The following PTGER4 variants were observed in gnomAD, a reference collection of about 807,000 sequenced individuals.
PTGER4 encodes the protein prostaglandin E2 receptor EP4 subtype.
In PTGER4, 11 loss-of-function variants were observed where a neutral mutation model predicts 33.2. The ratio of observed to expected loss-of-function variants is 0.33; its 90% CI spans 0.21 to 0.55. The LOEUF is 0.55. PTGER4 is among the 20% of genes least tolerant of loss of function. The pLI is 0.92. For synonymous variants in PTGER4, 275 were observed against 281.5 expected, an observed-to-expected ratio of 0.98 and a Z score of 0.23; for missense variants, 481 against 650.2, an observed-to-expected ratio of 0.74 and a Z score of 2.83.
At chr5:40,726,063 A>G in the PTGER4 span, among the ~76,000 whole-genome samples, 2 of 151,182 alleles carry the variant, frequency 1.3e-5, no homozygotes, top group South Asian at 2.1e-4. Context: ...GGGATTACAG[A>G]CTTGAGCCAC....
At chr5:40,700,197 C>A in the PTGER4 span, among the ~76,000 whole-genome samples, 1 of 152,142 alleles carries the variant, frequency 6.6e-6, no homozygotes, top group Non-Finnish European at 1.5e-5. Flanking sequence ...ATAATTGCAT[C>A]AAAAATGTGA....
chr5:40,716,059 T>C, the PTGER4 span: 1 of 1,145,776 alleles, frequency 8.7e-7, no homozygotes, highest in Admixed American at 3.0e-5. Context: ...GGCGTTCTCC[T>C]ATCTATCTCC....
chr5:40,720,693 G>C, the PTGER4 span, among the ~76,000 whole-genome samples: 1 of 152,050 alleles, frequency 6.6e-6, no homozygotes, highest in African/African-American at 2.4e-5. Context: ...TCCTTTGTGA[G>C]AAATCCAGAA....
At chr5:40,717,364 G>A in the PTGER4 span, among the ~76,000 whole-genome samples, 1 of 152,102 alleles carries the variant, frequency 6.6e-6, no homozygotes, top group Non-Finnish European at 1.5e-5. Context: ...GGTATCAGCT[G>A]GGAATTGGCA....
At chr5:40,697,290 GAA>G (rs915446310), downstream of PTGER4, among the ~76,000 whole-genome samples, 1 of 137,268 alleles carries the variant, frequency 7.3e-6, no homozygotes, top group African/African-American at 2.6e-5. Context: ...AAGAAAGAAA[GAA>G]AGAAAAAGAA....
At chr5:40,710,590 G>A in the PTGER4 span, among the ~76,000 whole-genome samples, 1 of 152,110 alleles carries the variant, frequency 6.6e-6, no homozygotes, top group South Asian at 2.1e-4. Context: ...TATAACCAAA[G>A]GAATATAAAT....
chr5:40,681,007 G>A lies in PTGER4; in HGVS notation c.14G>A (p.Gly5Glu). The A allele has an allele frequency of 1.9e-6, 3 of 1,612,440 alleles. No individual in the cohort carries two copies. The highest frequency in any genetic ancestry group is 2.5e-6 in the Non-Finnish European group (3 of 1,179,184). Residue 5 changes from glycine to glutamate, a missense_variant, in exon 2 of 3, where the codon GGG becomes GAG. This residue lies in a region of PTGER4 where 26 missense variants were observed against 21.0 expected (regional missense o/e 1.24). Coordinates refer to ENST00000302472, the MANE Select transcript of PTGER4 (RefSeq NM_000958.3). The surrounding 1 kb of genome is among the most constrained non-coding windows in gnomAD (Gnocchi z 9.8). The part of the protein sequence containing the change: MSTP[G>E]VNSSASLSPD... ...CCAGCCACTATCATGTCCACTCCCGGGGTCAATTCGTCCGCCTCCTTGAGC... is the reference window on the plus strand; with the variant it reads ...CCAGCCACTATCATGTCCACTCCCGAGGTCAATTCGTCCGCCTCCTTGAGC...
the PTGER4 span, among the ~76,000 whole-genome samples, chr5:40,703,622 G>A: frequency 7.2e-5 from 11 of 152,000 alleles, no homozygotes; most frequent in African/African-American, 2.7e-4. Flanking sequence ...GGAGGAAGAG[G>A]CCGGGCACGG....
chr5:40,704,319 T>C, the PTGER4 span, among the ~76,000 whole-genome samples: 369 of 152,266 alleles, frequency 2.4e-3, no homozygotes, highest in African/African-American at 8.5e-3. Flanking sequence ...AAACTAGGTA[T>C]TGAAGGAACA....
downstream of PTGER4, among the ~76,000 whole-genome samples, chr5:40,695,690 G>A (rs770529288): frequency 4.3e-4 from 66 of 152,284 alleles, no homozygotes; most frequent in Non-Finnish European, 8.1e-4. Context: ...CAGCCTGGGC[G>A]ACAGAGGGAG....
At chr5:40,745,269 A>G in the PTGER4 span, among the ~76,000 whole-genome samples, 2 of 151,882 alleles carry the variant, frequency 1.3e-5, no homozygotes, top group African/African-American at 4.8e-5. Flanking sequence ...TAGATATAAA[A>G]TTGTTAATTT....
the PTGER4 span, chr5:40,730,416 T>C: frequency 9.7e-6 from 12 of 1,234,200 alleles, no homozygotes; most frequent in African/African-American, 1.5e-5. Context: ...AAAATTTTTA[T>C]TGTAGTAAAA....
At chr5:40,740,040 G>A in the PTGER4 span, among the ~76,000 whole-genome samples, 2 of 151,878 alleles carry the variant, frequency 1.3e-5, no homozygotes, top group Non-Finnish European at 2.9e-5. Flanking sequence ...TAGGGTCTAG[G>A]TTTGAATACA....
At chr5:40,743,229 A>G in the PTGER4 span, among the ~76,000 whole-genome samples, 1 of 152,332 alleles carries the variant, frequency 6.6e-6, no homozygotes, top group African/African-American at 2.4e-5. Context: ...ATGACAAATG[A>G]GCAGAAATCC....
the PTGER4 span, among the ~76,000 whole-genome samples, chr5:40,724,956 T>C: frequency 1.3e-5 from 2 of 150,938 alleles, no homozygotes; most frequent in Non-Finnish European, 3.0e-5. Flanking sequence ...AGGTTCAAGA[T>C]ATTCTCCTGC....
chr5:40,707,501 C>T, the PTGER4 span, among the ~76,000 whole-genome samples: 7 of 152,126 alleles, frequency 4.6e-5, no homozygotes, highest in Non-Finnish European at 1.0e-4. Context: ...TATATATGCA[C>T]CCAATACAGG....
chr5:40,699,440 A>T, the PTGER4 span, among the ~76,000 whole-genome samples: 2 of 152,200 alleles, frequency 1.3e-5, no homozygotes, highest in Admixed American at 1.3e-4. Context: ...ATAGAAAGAC[A>T]TGACACCAAA....
chr5:40,681,341 G>T lies in PTGER4; in HGVS notation c.348G>T (p.Glu116Asp). The T allele has an allele frequency of 6.2e-7, 1 of 1,614,160 alleles. No individual in the cohort carries two copies. ...GLSIICAMSV[E>D]RYLAINHAYF... is the part of the protein sequence containing the mutation. ...GCATCATCTGCGCCATGAGTGTCGA[G>T]CGCTACCTGGCCATCAACCATGCCT... Residue 116 changes from glutamate to aspartate, a missense_variant, in exon 2 of 3, where the codon GAG (glutamate) becomes GAT (aspartate). By Grantham distance (45) the Glu-to-Asp change is conservative (BLOSUM62 2). Transcript: ENST00000302472. This position sits in a 1 kb window ranked among gnomAD's most constrained non-coding sequence, Gnocchi z 9.8.
the PTGER4 span, among the ~76,000 whole-genome samples, chr5:40,709,059 A>G: frequency 6.6e-6 from 1 of 152,180 alleles, no homozygotes; most frequent in African/African-American, 2.4e-5. Flanking sequence ...ATCTATGACA[A>G]ACCCACAGCC....
Sources: gnomAD v4.1 joint callset for allele counts (sites outside exome capture counted in the v4.1 genomes callset) on GRCh38, gnomAD v4.1.1 for gene constraint, gnomAD v4.1.1 regional missense constraint, Gnocchi (gnomAD v3.1) non-coding constraint, MANE v1.5 for transcripts, NCBI Gene and HGNC (gene_info 2026-07-23, HGNC 2026-07-21) for gene names.